PHACTR1: variants seen among roughly 807,000 people sequenced by gnomAD.
The protein encoded by PHACTR1 is RPEL repeat containing 1.
A neutral mutation model predicts 69.2 loss-of-function variants in PHACTR1; 16 were observed. The observed-to-expected ratio is 0.23, with a 90% CI of 0.16 to 0.35. PHACTR1 has a LOEUF of 0.35. PHACTR1 is among the 10% of genes least tolerant of loss of function. PHACTR1 has a pLI of 1.00. For missense variants in PHACTR1, 510 were observed against 734.7 expected (o/e 0.69, Z 3.54); for synonymous variants, 312 against 284.5 (o/e 1.10, Z -0.97).
At chr6:12,983,553 T>G (rs1795769967) in intron 4 of PHACTR1, among the ~76,000 whole-genome samples, 1 of 152,150 alleles carries the variant, frequency 6.6e-6, no homozygotes, top group African/African-American at 2.4e-5. Context: ...ATTTATTTAT[T>G]TTTATTGTTG....
chr6:12,914,203 T>C (rs1786717880), intron 4 of PHACTR1, among the ~76,000 whole-genome samples: 1 of 152,148 alleles, frequency 6.6e-6, no homozygotes, highest in African/African-American at 2.4e-5. Context: ...TTTCACCATG[T>C]TGGCCAGGAT....
chr6:12,776,412 T>C (rs1289157179), intron 4 of PHACTR1, among the ~76,000 whole-genome samples: 1 of 152,236 alleles, frequency 6.6e-6, no homozygotes, highest in Admixed American at 6.5e-5. Flanking sequence ...CAGCCTCTGG[T>C]AAACCAGAAA....
intron 3 of PHACTR1, among the ~76,000 whole-genome samples, chr6:12,738,089 G>T (rs1764534776): frequency 6.6e-6 from 1 of 152,138 alleles, no homozygotes; most frequent in Non-Finnish European, 1.5e-5. Flanking sequence ...ATCCAGTACT[G>T]GTCTAGGGGC....
chr6:12,813,623 T>C (rs1469842720), intron 4 of PHACTR1, among the ~76,000 whole-genome samples: 1 of 152,172 alleles, frequency 6.6e-6, no homozygotes, highest in Non-Finnish European at 1.5e-5. Context: ...TCAGAGCCCT[T>C]CCTGTGATAA....
chr6:13,144,345 A>C (rs1227113382), intron 5 of PHACTR1, among the ~76,000 whole-genome samples: 1 of 152,244 alleles, frequency 6.6e-6, no homozygotes, highest in African/African-American at 2.4e-5. Context: ...AACTAAATGA[A>C]TTTAGCAAGA....
chr6:13,277,026 G>A (rs1779066000), intron 11 of PHACTR1, among the ~76,000 whole-genome samples: 1 of 152,164 alleles, frequency 6.6e-6, no homozygotes, highest in Non-Finnish European at 1.5e-5. Context: ...GAGAATCACA[G>A]GCCTTCTTTG....
At chr6:12,900,079 C>T (rs1348190221) in intron 4 of PHACTR1, among the ~76,000 whole-genome samples, 1 of 152,222 alleles carries the variant, frequency 6.6e-6, no homozygotes, top group Non-Finnish European at 1.5e-5. Context: ...TTTTATCTGG[C>T]AACCCTATCT....
At chr6:13,143,420 C>A (rs1822811874) in intron 5 of PHACTR1, among the ~76,000 whole-genome samples, 1 of 152,090 alleles carries the variant, frequency 6.6e-6, no homozygotes, top group Admixed American at 6.6e-5. Context: ...TACTATTTAT[C>A]CACAAAAACT....
intron 6 of PHACTR1, among the ~76,000 whole-genome samples, chr6:13,162,393 C>A (rs1759170522): frequency 6.6e-6 from 1 of 152,110 alleles, no homozygotes; most frequent in African/African-American, 2.4e-5. Flanking sequence ...TCCCAAAGTG[C>A]TGGGATTACA....
chr6:13,215,180 T>C (rs1258679838), intron 8 of PHACTR1, among the ~76,000 whole-genome samples: 1 of 152,232 alleles, frequency 6.6e-6, no homozygotes, highest in Non-Finnish European at 1.5e-5. Flanking sequence ...GTACATTTTC[T>C]AGACCAGGCT....
chr6:13,212,734 G>T (rs552697239), intron 8 of PHACTR1, among the ~76,000 whole-genome samples: 1 of 152,170 alleles, frequency 6.6e-6, no homozygotes, highest in East Asian at 1.9e-4. Flanking sequence ...ATTCTCGGAC[G>T]TGCCGGACAC....
At chr6:12,790,273 TCCCTAGAATTGCCCTGCTCACTTA>T (rs906741557) in intron 4 of PHACTR1, among the ~76,000 whole-genome samples, 1 of 152,128 alleles carries the variant, frequency 6.6e-6, no homozygotes, top group Non-Finnish European at 1.5e-5. Flanking sequence ...CTGATGGCAT[TCCCTAGAATTGCCCTGCTCACTTA>T]CCCTGATGGG....
chr6:13,133,819 T>C (rs1348622410), intron 5 of PHACTR1, among the ~76,000 whole-genome samples: 5 of 146,516 alleles, frequency 3.4e-5, no homozygotes, highest in Non-Finnish European at 7.5e-5. Context: ...GGAGCGTCTC[T>C]GCCCAGCCGC....
At chr6:12,884,690 C>T (rs534200877) in intron 4 of PHACTR1, among the ~76,000 whole-genome samples, 4 of 152,188 alleles carry the variant, frequency 2.6e-5, no homozygotes, top group African/African-American at 7.2e-5. Flanking sequence ...CGTAAGCCAC[C>T]GCGCCCGGCC....
intron 4 of PHACTR1, among the ~76,000 whole-genome samples, chr6:12,950,148 A>T (rs1241196313): frequency 1.3e-5 from 2 of 152,332 alleles, no homozygotes; most frequent in African/African-American, 4.8e-5. Context: ...TCAGTCTCTC[A>T]TGAGGTTGCA....
In PHACTR1 at chr6:13,119,612, C is replaced by CT. The variant is rs1818396305; in HGVS notation, c.416-40588dup. On this transcript the variant is annotated intron_variant, in intron 5 of 14. Coordinates refer to ENST00000332995, the MANE Select transcript of PHACTR1 (RefSeq NM_030948.6). ...TACAACTCACGTCCCAGGTTTGTTG[C>CT]TTTTGCATCTCTGCTTCCTACTGAG... is the stretch of plus-strand genomic sequence containing the variant. Among the ~76,000 whole-genome samples the CT allele has an allele frequency of 2.6e-5, 4 of 152,296 alleles. No homozygotes were observed. In the South Asian group the frequency reaches 8.3e-4, roughly 32 times the overall value.
At chr6:13,142,643 T>C (rs1268190739) in intron 5 of PHACTR1, among the ~76,000 whole-genome samples, 1 of 152,200 alleles carries the variant, frequency 6.6e-6, no homozygotes, top group Non-Finnish European at 1.5e-5. Flanking sequence ...CCTGATACCA[T>C]TTGTTTAAAA....
chr6:13,270,251 T>C (rs1384542428), intron 10 of PHACTR1, among the ~76,000 whole-genome samples: 1 of 152,190 alleles, frequency 6.6e-6, no homozygotes, highest in East Asian at 1.9e-4. Context: ...CAGGGCAAGG[T>C]ATTGGGGGAG....
chr6:12,742,592 C>T (rs1055258575), intron 3 of PHACTR1, among the ~76,000 whole-genome samples: 8 of 152,216 alleles, frequency 5.3e-5, no homozygotes, highest in Middle Eastern at 6.8e-3. Context: ...TAGGTCTCAG[C>T]CTTATTTTAC....
Sources: allele counts gnomAD v4.1 joint callset (sites outside exome capture counted in the v4.1 genomes callset), GRCh38; gene constraint gnomAD v4.1.1; transcripts MANE v1.5; gene names NCBI Gene and HGNC (gene_info 2026-07-23, HGNC 2026-07-21).